UST: variants seen among roughly 807,000 people sequenced by gnomAD.
The protein encoded by UST is chondroitin sulfate 2-O-sulfotransferase.
UST carries 21 observed loss-of-function variants against 45.6 expected under a neutral mutation model. That is an observed-to-expected ratio of 0.46 (90% CI 0.33 to 0.66). The LOEUF (loss-of-function observed/expected upper bound fraction) is 0.66. Ranked by LOEUF, UST falls within the 30% of genes least tolerant of loss-of-function variation. The pLI is 0.02. For synonymous variants in UST, 215 were observed against 200.6 expected, an observed-to-expected ratio of 1.07 and a Z score of -0.61; for missense variants, 463 against 512.4, an observed-to-expected ratio of 0.90 and a Z score of 0.93.
At chr6:148,882,768 C>T (rs1401801651) in intron 1 of UST, among the ~76,000 whole-genome samples, 2 of 152,028 alleles carry the variant, frequency 1.3e-5, no homozygotes, top group Non-Finnish European at 2.9e-5. Flanking sequence ...CTTTGAGGGG[C>T]GCTTGTGAGG....
intron 4 of UST, among the ~76,000 whole-genome samples, chr6:148,957,416 A>G (rs1216278614): frequency 1.3e-5 from 2 of 152,218 alleles, no homozygotes; most frequent in Non-Finnish European, 2.9e-5. Context: ...GAGAAAAACA[A>G]CTAAGCTGGA....
intron 7 of UST, among the ~76,000 whole-genome samples, chr6:149,058,284 C>T (rs1776597166): frequency 6.6e-6 from 1 of 151,216 alleles, no homozygotes; most frequent in Non-Finnish European, 1.5e-5. Flanking sequence ...ATCATCAGGG[C>T]TAGATGTAGG....
chr6:148,980,919 C>T (rs1286255863), intron 5 of UST, among the ~76,000 whole-genome samples: 1 of 151,910 alleles, frequency 6.6e-6, no homozygotes, highest in Admixed American at 6.6e-5. Flanking sequence ...GAAATGAGGT[C>T]TCACTGTGTT....
rs192560333 is a variant in UST, at chr6:148,869,243, A to T, written c.248-17743A>T. Among the ~76,000 whole-genome samples, 374 of 152,358 alleles carry T rather than the reference A, an allele frequency of 2.5e-3. 1 individual carries two copies. Among genetic ancestry groups the T allele is most frequent in the African/African-American group, 7.9e-3 (329 of 41,588 alleles). ...TGTGTTTATCTGTGCATAGAGTAAC[A>T]TATGGAGGTCTGGGAATCCTTGTTT... On this transcript the variant is annotated intron_variant, in intron 1 of 7. Coordinates refer to ENST00000367463, the MANE Select transcript of UST (RefSeq NM_005715.3).
intron 1 of UST, among the ~76,000 whole-genome samples, chr6:148,866,654 T>C (rs181738380): frequency 6.6e-6 from 1 of 152,342 alleles, no homozygotes; most frequent in East Asian, 1.9e-4. Flanking sequence ...TTCATATCTC[T>C]ATTAGCTAGT....
rs564313002 is a variant in UST, at chr6:148,751,171, G to A, written c.247+3494G>A. The stretch of plus-strand genomic sequence containing the variant: ...TTGAGAGAAAGGAGGAATGTGAGGC[G>A]GGGTGGGTAGATTTATAAAGTATTT... On this transcript the variant is annotated intron_variant, in intron 1 of 7. Coordinates refer to ENST00000367463, the MANE Select transcript of UST (RefSeq NM_005715.3). Among the ~76,000 whole-genome samples, 29 of 152,230 alleles carry A rather than the reference G, an allele frequency of 1.9e-4. 1 individual carries two copies. The highest frequency in any genetic ancestry group is 1.5e-3 in the South Asian group (7 of 4,816).
intron 1 of UST, among the ~76,000 whole-genome samples, chr6:148,801,710 G>C (rs766144575): frequency 6.6e-6 from 1 of 152,012 alleles, no homozygotes; most frequent in African/African-American, 2.4e-5. Context: ...GCATCAGCAC[G>C]TGCTTAGCAG....
At chr6:149,007,115 CTTTTT>C (rs35867213) in intron 5 of UST, among the ~76,000 whole-genome samples, 68 of 77,632 alleles carry the variant, frequency 8.8e-4, no homozygotes, top group East Asian at 1.5e-3. Context: ...TCCAGGCAAG[CTTTTT>C]TTTTTTTTTT....
At chr6:148,816,094 TG>T (rs1777348822) in intron 1 of UST, among the ~76,000 whole-genome samples, 1 of 152,258 alleles carries the variant, frequency 6.6e-6, no homozygotes. Context: ...TGCCTCAGGA[TG>T]GGCCAGCTGG....
intron 7 of UST, 33 bp from the exon 8 acceptor site, chr6:149,073,800 G>A (rs1304021050): frequency 1.2e-6 from 2 of 1,601,086 alleles, no homozygotes; most frequent in Non-Finnish European, 1.7e-6. Flanking sequence ...TACTGCAAAT[G>A]ATGGCTCATG....
intron 6 of UST, among the ~76,000 whole-genome samples, chr6:149,020,574 C>T (rs1015756513): frequency 2.0e-5 from 3 of 152,180 alleles, no homozygotes; most frequent in African/African-American, 7.2e-5. Context: ...ATCATATCAC[C>T]TTGCACAGTC....
chr6:148,924,370 C>T (rs558274764), intron 2 of UST, among the ~76,000 whole-genome samples: 1 of 152,278 alleles, frequency 6.6e-6, no homozygotes, highest in East Asian at 1.9e-4. Flanking sequence ...CTGACATAGC[C>T]CTTTTCACAA....
chr6:149,058,317 A>G (rs1025258316), intron 7 of UST, among the ~76,000 whole-genome samples: 1 of 150,742 alleles, frequency 6.6e-6, no homozygotes, highest in African/African-American at 2.4e-5. Context: ...ATTTCAGGAG[A>G]GGGCCTCCTC....
chr6:149,053,926 C>T (rs558308904), intron 7 of UST, among the ~76,000 whole-genome samples: 199 of 152,280 alleles, frequency 1.3e-3, no homozygotes, highest in African/African-American at 4.5e-3. Context: ...GGAGCCTGGC[C>T]GTGACCTCTG....
intron 3 of UST, among the ~76,000 whole-genome samples, chr6:148,951,859 T>TGAAA (rs1780371573): frequency 4.6e-5 from 7 of 152,258 alleles, no homozygotes; most frequent in Admixed American, 2.6e-4. Flanking sequence ...CTAATCCATT[T>TGAAA]TTTTCCTCCT....
chr6:149,026,166 A>C (rs7761979), intron 7 of UST, among the ~76,000 whole-genome samples: 45,733 of 143,932 alleles, frequency 0.32, 9,554 homozygotes, highest in African/African-American at 0.57. Flanking sequence ...AAAAAAAAAA[A>C]CAGGCCTGAT....
At chr6:149,019,788 G>A (rs1387798402) in intron 6 of UST, among the ~76,000 whole-genome samples, 3 of 152,210 alleles carry the variant, frequency 2.0e-5, no homozygotes, top group African/African-American at 4.8e-5. Flanking sequence ...CTTCTTTAGA[G>A]AGTGACTTAC....
At chr6:149,057,441 C>T (rs1202106553) in intron 7 of UST, among the ~76,000 whole-genome samples, 1 of 152,124 alleles carries the variant, frequency 6.6e-6, no homozygotes, top group Non-Finnish European at 1.5e-5. Context: ...GGATCTCTGA[C>T]AATAGAAGAT....
rs533738855 is a variant in UST, at chr6:148,990,079, G to T, written c.681+25516G>T. Among the ~76,000 whole-genome samples the T allele has an allele frequency of 4.6e-4, 70 of 152,184 alleles. 1 individual carries two copies. Among genetic ancestry groups the T allele is most frequent in the Non-Finnish European group, 8.8e-4 (60 of 68,030 alleles). On this transcript the variant is annotated intron_variant, in intron 5 of 7. Coordinates refer to ENST00000367463, the MANE Select transcript of UST (RefSeq NM_005715.3). ...TGTTCTTTTAAATATTTTATTTGGA[G>T]TTCGGCATTACAGTCAGGACAACCT...
Sources: gnomAD v4.1 joint callset for allele counts (sites outside exome capture counted in the v4.1 genomes callset) on GRCh38, gnomAD v4.1.1 for gene constraint, MANE v1.5 for transcripts, NCBI Gene and HGNC (gene_info 2026-07-23, HGNC 2026-07-21) for gene names.